Variants in URGCP observed in about 807,000 individuals in gnomAD.
The protein encoded by URGCP is up-regulator of cell proliferation.
Under a neutral mutation model 24.6 loss-of-function variants are expected in URGCP, and 13 were observed. The ratio of observed to expected loss-of-function variants is 0.53; its 90% CI spans 0.34 to 0.84. URGCP has a LOEUF of 0.84. Among genes scored for constraint, URGCP ranks in the 40% least tolerant of loss-of-function variants. The pLI, the probability that URGCP is intolerant of heterozygous loss-of-function variation, is 0.01. For missense variants in URGCP, 899 were observed against 1,194.3 expected (o/e 0.75, Z 3.64); for synonymous variants, 444 against 487.2 (o/e 0.91, Z 1.17).
intron 1 of URGCP, among the ~76,000 whole-genome samples, chr7:43,891,609 C>T (rs2095870766): frequency 6.6e-6 from 1 of 152,158 alleles, no homozygotes; most frequent in African/African-American, 2.4e-5. Flanking sequence ...CTCCAGAAAA[C>T]AGCACGAACA....
chr7:43,887,969 G>A, intron 1 of URGCP, 153 bp from the exon 2 acceptor site: 1 of 593,024 alleles, frequency 1.7e-6, no homozygotes, highest in Non-Finnish European at 3.0e-6. Flanking sequence ...TTTCTTTTGT[G>A]GACAAAAAGA....
intron 1 of URGCP, among the ~76,000 whole-genome samples, chr7:43,913,374 ATT>A (rs1381309121): frequency 6.9e-6 from 1 of 144,582 alleles, no homozygotes. Context: ...ACTCCCGGCT[ATT>A]TTTTTTTTTT....
chr7:43,886,440 T>C (rs78566881), intron 3 of URGCP, among the ~76,000 whole-genome samples: 10,659 of 152,244 alleles, frequency 0.07, 470 homozygotes, highest in Middle Eastern at 0.14. Context: ...AAGAACCTAA[T>C]TTATGAAAGA....
chr7:43,888,261 G>A (rs1187483937), intron 1 of URGCP: 1 of 153,456 alleles, frequency 6.5e-6, no homozygotes, highest in East Asian at 1.9e-4. Flanking sequence ...CAGCACTTTG[G>A]AAGGCTGAGG....
chr7:43,892,627 TTAAC>T (rs549102814), intron 1 of URGCP, among the ~76,000 whole-genome samples: 82 of 152,216 alleles, frequency 5.4e-4, no homozygotes, highest in African/African-American at 1.9e-3. Context: ...TGAACTCATT[TTAAC>T]TAATCACATA....
rs1157079692 is a variant in URGCP at position 43,876,858 on chromosome 7, C to T, written c.2605G>A (p.Asp869Asn). The T allele has an allele frequency of 6.8e-6, 11 of 1,613,944 alleles. No homozygotes were observed. The highest frequency in any genetic ancestry group is 2.2e-5 in the East Asian group (1 of 44,892). The change falls in exon 6 of 6, where the codon GAC (aspartate) becomes AAC (asparagine). Residue 869 changes from aspartate to asparagine, a missense_variant. Coordinates refer to ENST00000453200, the MANE Select transcript of URGCP (RefSeq NM_001077663.3). ...TGCCAGATGTGCTGCTTCTCAGGGT[C>T]GCAGAAGGCCAGGCCTGCCAGTGCC... The part of the protein sequence containing the change: ...FRALAGLAFC[D>N]PEKQHIWHIP...
At chr7:43,885,350 C>G (rs554126132) in intron 3 of URGCP, among the ~76,000 whole-genome samples, 1 of 152,300 alleles carries the variant, frequency 6.6e-6, no homozygotes, top group Admixed American at 6.5e-5. Context: ...ATCTGCCTAT[C>G]TCGGCCTCCC....
At chr7:43,909,709 C>A (rs1186873817), upstream of URGCP, among the ~76,000 whole-genome samples, 1 of 149,918 alleles carries the variant, frequency 6.7e-6, no homozygotes, top group African/African-American at 2.5e-5. Context: ...GACAGACTAT[C>A]TCAAAAATAA....
intron 1 of URGCP, among the ~76,000 whole-genome samples, chr7:43,915,035 G>A (rs2095914038): frequency 6.6e-6 from 1 of 152,202 alleles, no homozygotes; most frequent in Non-Finnish European, 1.5e-5. Context: ...CCTTATGCTG[G>A]GAGAGGAGCC....
chr7:43,883,363 T>TACA (rs1491392943), intron 3 of URGCP, among the ~76,000 whole-genome samples: 2 of 66,356 alleles, frequency 3.0e-5, no homozygotes, highest in Non-Finnish European at 2.7e-5. Flanking sequence ...TATATATATA[T>TACA]TTTTTTTTTT....
Position 43,887,446 on chromosome 7 carries a change from T to C in URGCP, c.81A>G (p.Ala27=). The C allele has an allele frequency of 2.5e-6, 4 of 1,613,986 alleles. No individual in the cohort carries two copies. Among genetic ancestry groups the C allele is most frequent in the South Asian group, 2.2e-5 (2 of 91,074 alleles). The change falls in exon 3 of 6, where the codon GCA becomes GCG. Residue 27 remains alanine (A), a synonymous_variant. Coordinates refer to ENST00000453200, the MANE Select transcript of URGCP (RefSeq NM_001077663.3). The stretch of plus-strand genomic sequence containing the variant: ...TGGCCACAGCTGTTCGTCTCTCTGA[T>C]GCTTTTATTTCTGGGGCTACTTCTC... The part of the protein sequence containing the change: ...DLGEVAPEIK[A]SERRTAVAIA...
At position 43,894,689 on chromosome 7, in the gene URGCP, C is replaced by T. The variant is rs552967763; in HGVS notation, c.15-6873G>A. Among the ~76,000 whole-genome samples the T allele has an allele frequency of 1.9e-3, 287 of 152,148 alleles. 2 individuals are homozygous for T. Among genetic ancestry groups the T allele is most frequent in the African/African-American group, 6.6e-3 (276 of 41,520 alleles). ...AATTTCTTAAAAATCAAAATCATAT[C>T]AAGTGTCTTCTTAGATCACAAGGGA... On this transcript the variant is annotated intron_variant, in intron 1 of 5. Transcript: ENST00000453200.
At chr7:43,893,897 G>GA (rs1325303067) in intron 1 of URGCP, among the ~76,000 whole-genome samples, 3 of 149,730 alleles carry the variant, frequency 2.0e-5, no homozygotes, top group Admixed American at 6.7e-5. Flanking sequence ...GTAAAGGGAC[G>GA]AAAAAAAAAT....
intron 1 of URGCP, among the ~76,000 whole-genome samples, chr7:43,898,789 AT>A (rs35262762): frequency 2.8e-5 from 2 of 71,412 alleles, no homozygotes; most frequent in African/African-American, 7.5e-5. Flanking sequence ...AAATAAATAA[AT>A]TTATTTTAAT....
chr7:43,906,362 GC>G (rs1451162688), intron 1 of URGCP, 199 bp downstream of exon 1: 2 of 314,758 alleles, frequency 6.4e-6, no homozygotes, highest in South Asian at 1.4e-4. Context: ...GCCCCCGCCC[GC>G]CCCCCACGCC....
chr7:43,892,283 GTGCAATCTCGGCTCAC>G (rs1040551711), intron 1 of URGCP, among the ~76,000 whole-genome samples: 9 of 147,758 alleles, frequency 6.1e-5, no homozygotes, highest in Admixed American at 2.0e-4. Context: ...GAGTGCAGTG[GTGCAATCTCGGCTCAC>G]TGCAACCTCT....
At chr7:43,923,861 C>A (rs2095925544) in intron 1 of URGCP, among the ~76,000 whole-genome samples, 1 of 150,972 alleles carries the variant, frequency 6.6e-6, no homozygotes, top group Non-Finnish European at 1.5e-5. Flanking sequence ...ATTTAAAAAT[C>A]TTTTGTGTAT....
Position 43,876,996 on chromosome 7 carries a change from G to T in URGCP, c.2467C>A (p.His823Asn). 6.2e-7 allele frequency: 1 copy of T among 1,614,236 alleles called. No individual in the cohort carries two copies. Among genetic ancestry groups the T allele is most frequent in the Non-Finnish European group, 8.5e-7 (1 of 1,180,046 alleles). Residue 823 changes from histidine (H) to asparagine (N), a missense_variant, in exon 6 of 6, where the codon CAT becomes AAT. Transcript: ENST00000453200. Reference sequence around the variant, plus strand: ...CTAGGGCCGGGAACAGATACATCATGAAGGTTCTGGTATACAAACTGGTAG... The same window carrying T: ...CTAGGGCCGGGAACAGATACATCATTAAGGTTCTGGTATACAAACTGGTAG... ...PNYQFVYQNLHDVSVPGPRPR... is the reference protein window; with the variant it reads ...PNYQFVYQNLNDVSVPGPRPR...
intron 1 of URGCP, among the ~76,000 whole-genome samples, chr7:43,895,475 A>C (rs1585813539): frequency 6.6e-6 from 1 of 152,242 alleles, no homozygotes; most frequent in African/African-American, 2.4e-5. Flanking sequence ...CAGGAGTTCA[A>C]GACCAGCCTT....
Sources: gnomAD v4.1 joint callset for allele counts (sites outside exome capture counted in the v4.1 genomes callset) on GRCh38, gnomAD v4.1.1 for gene constraint, MANE v1.5 for transcripts, NCBI Gene and HGNC (gene_info 2026-07-23, HGNC 2026-07-21) for gene names.